The following TNRC6A variants were observed in gnomAD, a reference collection of about 807,000 sequenced individuals.
TNRC6A encodes trinucleotide repeat-containing gene 6A protein.
TNRC6A carries 44 observed loss-of-function variants against 221.2 expected under a neutral mutation model. The observed-to-expected ratio is 0.20, with a 90% CI of 0.16 to 0.26. TNRC6A has a LOEUF of 0.26. Ranked by LOEUF, TNRC6A falls within the 10% of genes least tolerant of loss-of-function variation. The probability of loss-of-function intolerance (pLI) is 1.00; values close to 1 mark genes in which losing one functional copy is unlikely to be tolerated. For missense variants in TNRC6A, 2,199 were observed against 2,404.4 expected, an observed-to-expected ratio of 0.91 and a Z score of 1.79; for synonymous variants, 847 against 838.5, an observed-to-expected ratio of 1.01 and a Z score of -0.18.
At chr16:24,690,246 G>A (rs73566412) in intron 2 of TNRC6A, among the ~76,000 whole-genome samples, 9,812 of 151,892 alleles carry the variant, frequency 0.065, 800 homozygotes, top group East Asian at 0.32. Flanking sequence ...CTGACCTTAA[G>A]TGATCCTCCC....
At chr16:24,787,122 C>T (rs751147757) in intron 5 of TNRC6A, among the ~76,000 whole-genome samples, 9 of 152,224 alleles carry the variant, frequency 5.9e-5, no homozygotes, top group Non-Finnish European at 1.2e-4. Context: ...TTAATCACTA[C>T]ATCAAATTGA....
intron 1 of TNRC6A, among the ~76,000 whole-genome samples, chr16:24,622,677 C>T (rs1417083449): frequency 6.6e-6 from 1 of 152,122 alleles, no homozygotes; most frequent in Non-Finnish European, 1.5e-5. Flanking sequence ...CAACATGCCT[C>T]CAAAACCAGC....
At chr16:24,795,753 T>A (rs1418873001) in intron 8 of TNRC6A, 154 bp from the exon 9 acceptor site, 6 of 603,128 alleles carry the variant, frequency 9.9e-6, no homozygotes, top group African/African-American at 5.6e-5. Flanking sequence ...GATAGGACAC[T>A]GATGAATTTG....
At position 24,720,360 on chromosome 16, in the gene TNRC6A, C is replaced by A. The variant is rs975938080; in HGVS notation, n.403-30366C>A. Among the ~76,000 whole-genome samples the A allele has an allele frequency of 3.3e-5, 5 of 151,714 alleles. No homozygotes were observed. The East Asian group carries it at 7.7e-4, about 24-fold the overall frequency. On this transcript the variant is annotated intron_variant and non_coding_transcript_variant, in intron 2 of 2. Coordinates refer to the TNRC6A transcript ENST00000566108. Reference sequence around the variant, plus strand: ...GAGGCTGCAGTGAGCTGTGATCACACCCGTCTGGGTGACACAGCTAGACCT... The same window carrying A: ...GAGGCTGCAGTGAGCTGTGATCACAACCGTCTGGGTGACACAGCTAGACCT...
chr16:24,741,270 G>A (rs888435292), intron 2 of TNRC6A, among the ~76,000 whole-genome samples: 1 of 152,180 alleles, frequency 6.6e-6, no homozygotes, highest in Admixed American at 6.5e-5. Flanking sequence ...CATTATGTAT[G>A]TTGTGAGCTG....
In TNRC6A at chr16:24,789,650, A is replaced by G; in HGVS notation, c.1008A>G (p.Glu336=). The G allele has an allele frequency of 1.9e-6, 3 of 1,614,170 alleles. No individual in the cohort carries two copies. The highest frequency in any genetic ancestry group is 2.5e-6 in the Non-Finnish European group (3 of 1,180,032). The change falls in exon 6 of 25, where the codon GAA becomes GAG. Residue 336 remains glutamate (E), a synonymous_variant. Transcript: ENST00000395799. ...TGGATGCTCCTGAAAGCAAATCTGAAAGTAGCAACAATAGAATGAATGCTT... is the reference window on the plus strand; with the variant it reads ...TGGATGCTCCTGAAAGCAAATCTGAGAGTAGCAACAATAGAATGAATGCTT... ...VSVDAPESKS[E]SSNNRMNAWG...
intron 2 of TNRC6A, among the ~76,000 whole-genome samples, chr16:24,670,514 G>C (rs1358547776): frequency 6.6e-6 from 1 of 152,064 alleles, no homozygotes; most frequent in Non-Finnish European, 1.5e-5. Context: ...AAGCAGTCTG[G>C]ATATTTAAAT....
chr16:24,670,234 G>A (rs903587041), intron 2 of TNRC6A, among the ~76,000 whole-genome samples: 3 of 152,050 alleles, frequency 2.0e-5, no homozygotes, highest in African/African-American at 7.2e-5. Context: ...ACAGGCGTGA[G>A]CCACCACACC....
chr16:24,750,827 A>G lies in TNRC6A; in HGVS notation c.141+14A>G. On this transcript the variant is annotated intron_variant, in intron 3 of 24. Coordinates refer to ENST00000395799, the MANE Select transcript of TNRC6A (RefSeq NM_014494.4). ...GCTCAAAAGAAGGTAGTATGTGTGT[A>G]AACTATTTATATTAAGCAGTTTAAA... 6.6e-7 allele frequency: 1 copy of G among 1,509,002 alleles called. No individual in the cohort carries two copies. Among genetic ancestry groups the G allele is most frequent in the Non-Finnish European group, 8.8e-7 (1 of 1,133,048 alleles). The allele number at this position is 1,509,002 out of a possible 1,614,324, so 93.5% of individuals were successfully genotyped here.
rs1044273237 is a variant in TNRC6A at position 24,815,070 on chromosome 16, T to C, written c.4673-77T>C. ...CCACAGATCTAATAGAAAGTGTTCA[T>C]GCTACATTTGAAAAGCTATAAGAAA... On this transcript the variant is annotated intron_variant, in intron 18 of 24. Coordinates refer to ENST00000395799, the MANE Select transcript of TNRC6A (RefSeq NM_014494.4). The C allele has an allele frequency of 2.0e-6, 3 of 1,521,354 alleles. No homozygotes were observed. In the African/African-American group the frequency reaches 4.2e-5, roughly 21 times the overall value. 94.2% of individuals were successfully genotyped at this position (1,521,354 alleles called of 1,614,324 possible).
At chr16:24,788,059 G>C (rs934733359) in intron 5 of TNRC6A, among the ~76,000 whole-genome samples, 8 of 152,192 alleles carry the variant, frequency 5.3e-5, no homozygotes, top group African/African-American at 1.9e-4. Context: ...CTGCCTACCA[G>C]ATCCTTAGAC....
At chr16:24,672,267 G>A (rs1331112055) in intron 2 of TNRC6A, among the ~76,000 whole-genome samples, 1 of 151,428 alleles carries the variant, frequency 6.6e-6, no homozygotes, top group African/African-American at 2.4e-5. Flanking sequence ...GACTACAGGC[G>A]CACGCCGCCA....
chr16:24,659,851 C>T (rs1249409016), intron 2 of TNRC6A, among the ~76,000 whole-genome samples: 1 of 152,122 alleles, frequency 6.6e-6, no homozygotes, highest in Admixed American at 6.6e-5. Context: ...CATGAAAATT[C>T]CATAGGCACA....
chr16:24,660,735 T>TTTTC (rs2055011475), intron 2 of TNRC6A, among the ~76,000 whole-genome samples: 1 of 134,600 alleles, frequency 7.4e-6, no homozygotes, highest in African/African-American at 3.0e-5. Flanking sequence ...TTTCTTTTTT[T>TTTTC]TTTCTTTTTT....
At chr16:24,736,096 C>T (rs186338658) in intron 2 of TNRC6A, among the ~76,000 whole-genome samples, 6 of 152,178 alleles carry the variant, frequency 3.9e-5, no homozygotes, top group East Asian at 3.9e-4. Flanking sequence ...ACCTGGGAGG[C>T]GAGGGTTGCA....
chr16:24,674,376 G>A (rs150120714), intron 2 of TNRC6A, among the ~76,000 whole-genome samples: 208 of 152,212 alleles, frequency 1.4e-3, no homozygotes, highest in African/African-American at 4.8e-3. Context: ...CTGCACTCCA[G>A]CCTGGGTGAC....
At chr16:24,707,091 G>A (rs906110360) in intron 2 of TNRC6A, among the ~76,000 whole-genome samples, 4 of 151,826 alleles carry the variant, frequency 2.6e-5, no homozygotes, top group African/African-American at 9.7e-5. Context: ...TGTCTCCAGG[G>A]TGCAAGAGAT....
chr16:24,615,802 G>T (rs1202000448), intron 1 of TNRC6A, among the ~76,000 whole-genome samples: 1 of 151,770 alleles, frequency 6.6e-6, no homozygotes, highest in African/African-American at 2.4e-5. Context: ...GAGGTAAGAG[G>T]ATCCCTTGAG....
intron 2 of TNRC6A, chr16:24,664,769 T>TCA (rs149786252): frequency 0.22 from 66,081 of 299,260 alleles, 5,233 homozygotes; most frequent in Non-Finnish European, 0.28. Context: ...AATCCCCAAA[T>TCA]CACACACACA....
Sources: gnomAD v4.1 joint callset for allele counts (sites outside exome capture counted in the v4.1 genomes callset) on GRCh38, gnomAD v4.1.1 for gene constraint, MANE v1.5 for transcripts, NCBI Gene and HGNC (gene_info 2026-07-23, HGNC 2026-07-21) for gene names.